Variants in PPP1R12A observed in about 807,000 individuals in gnomAD.
PPP1R12A encodes the protein myosin binding subunit.
In PPP1R12A, 19 loss-of-function variants were observed where a neutral mutation model predicts 139.6. The observed-to-expected ratio is 0.14, with a 90% CI of 0.09 to 0.20. PPP1R12A has a LOEUF of 0.20. Among genes scored for constraint, PPP1R12A ranks in the 10% least tolerant of loss-of-function variants. The pLI is 1.00. For missense variants in PPP1R12A, 925 were observed against 1,211.5 expected (o/e 0.76, Z 3.51); for synonymous variants, 427 against 420.6 (o/e 1.02, Z -0.19).
chr12:79,835,412 C>T (rs1025719311), intron 3 of PPP1R12A, among the ~76,000 whole-genome samples: 9 of 152,032 alleles, frequency 5.9e-5, no homozygotes, highest in Non-Finnish European at 7.4e-5. Context: ...CTAATAAATC[C>T]CCTTCCGTAT....
At chr12:79,904,118 A>T (rs1885885407) in intron 1 of PPP1R12A, among the ~76,000 whole-genome samples, 1 of 151,882 alleles carries the variant, frequency 6.6e-6, no homozygotes, top group Non-Finnish European at 1.5e-5. Context: ...GGGAGGCTGA[A>T]GCAGGAGAAT....
chr12:79,872,555 G>A (rs989350532), intron 2 of PPP1R12A, among the ~76,000 whole-genome samples: 1 of 152,040 alleles, frequency 6.6e-6, no homozygotes, highest in Non-Finnish European at 1.5e-5. Context: ...GAAAAAAGAT[G>A]GAGACAGAGA....
At chr12:79,835,455 G>A (rs559525513) in intron 3 of PPP1R12A, among the ~76,000 whole-genome samples, 2 of 152,074 alleles carry the variant, frequency 1.3e-5, no homozygotes, top group South Asian at 4.1e-4. Context: ...GGAGAAGCCT[G>A]ACTAATACAC....
chr12:79,838,817 G>C (rs759825578), intron 3 of PPP1R12A, among the ~76,000 whole-genome samples: 1 of 152,248 alleles, frequency 6.6e-6, no homozygotes, highest in Non-Finnish European at 1.5e-5. Flanking sequence ...CTGCTGCAGA[G>C]GTAGAGCCCT....
At chr12:79,777,672 A>C in intron 24 of PPP1R12A, 1 of 969,772 alleles carries the variant, frequency 1.0e-6, no homozygotes, top group Non-Finnish European at 1.2e-6. Context: ...TCAGAACATA[A>C]AGAAATAGGA....
chr12:79,894,947 A>G (rs371938801), intron 1 of PPP1R12A, among the ~76,000 whole-genome samples: 32 of 152,284 alleles, frequency 2.1e-4, no homozygotes, highest in African/African-American at 7.7e-4. Flanking sequence ...ACTAATCTGC[A>G]ACTCTTAATT....
At chr12:79,932,151 A>C (rs1316668013) in intron 1 of PPP1R12A, among the ~76,000 whole-genome samples, 1 of 152,210 alleles carries the variant, frequency 6.6e-6, no homozygotes, top group Non-Finnish European at 1.5e-5. Flanking sequence ...TAGGTATTCT[A>C]CGATCTTTTG....
intron 1 of PPP1R12A, among the ~76,000 whole-genome samples, chr12:79,905,346 C>CCCG (rs1555244734): frequency 9.1e-6 from 1 of 109,520 alleles, no homozygotes; most frequent in Non-Finnish European, 1.8e-5. Flanking sequence ...GCCGCCCCCC[C>CCCG]CCACCCCTTT....
chr12:79,863,321 T>A (rs945360543), intron 2 of PPP1R12A, among the ~76,000 whole-genome samples: 3 of 152,110 alleles, frequency 2.0e-5, no homozygotes, highest in Non-Finnish European at 2.9e-5. Context: ...AAGGAAGCAC[T>A]AAACATGGAA....
At chr12:79,850,957 C>A (rs1879974544) in intron 2 of PPP1R12A, among the ~76,000 whole-genome samples, 1 of 152,190 alleles carries the variant, frequency 6.6e-6, no homozygotes, top group African/African-American at 2.4e-5. Context: ...AACTGTGAGT[C>A]AATTATACCT....
At chr12:79,831,769 T>C (rs1877460903) in intron 4 of PPP1R12A, among the ~76,000 whole-genome samples, 1 of 152,214 alleles carries the variant, frequency 6.6e-6, no homozygotes, top group Admixed American at 6.5e-5. Context: ...AAAAATATTA[T>C]TGCAACATAA....
At chr12:79,867,250 A>G (rs974979148) in intron 2 of PPP1R12A, among the ~76,000 whole-genome samples, 2 of 152,148 alleles carry the variant, frequency 1.3e-5, no homozygotes, top group Admixed American at 6.5e-5. Context: ...GTTCTCACTC[A>G]TAAGTGGGAA....
At chr12:79,825,793 A>G (rs1876686214) in intron 5 of PPP1R12A, among the ~76,000 whole-genome samples, 1 of 152,060 alleles carries the variant, frequency 6.6e-6, no homozygotes, top group Non-Finnish European at 1.5e-5. Flanking sequence ...GCAGGCTTAC[A>G]TAATTAAGAC....
chr12:79,819,155 T>C (rs537454478), intron 8 of PPP1R12A: 1 of 152,284 alleles, frequency 6.6e-6, no homozygotes, highest in African/African-American at 2.4e-5. Flanking sequence ...AGAGAGCAAT[T>C]AGTACGTTTC....
chr12:79,846,721 G>T (rs1037754915), intron 2 of PPP1R12A, among the ~76,000 whole-genome samples: 1 of 151,092 alleles, frequency 6.6e-6, no homozygotes, highest in East Asian at 2.0e-4. Context: ...GAGCCACCAC[G>T]CCTGGCCTAC....
At chr12:79,933,864 GA>G (rs1022796877) in intron 1 of PPP1R12A, among the ~76,000 whole-genome samples, 1 of 152,134 alleles carries the variant, frequency 6.6e-6, no homozygotes, top group Admixed American at 6.5e-5. Flanking sequence ...AACCCCAAAA[GA>G]AAAACCAGAG....
At chr12:79,872,770 CA>C (rs1447886936) in intron 2 of PPP1R12A, 37 bp downstream of exon 2, 15 of 1,594,796 alleles carry the variant, frequency 9.4e-6, no homozygotes, top group Non-Finnish European at 1.2e-5. Flanking sequence ...GTCTGTCAAA[CA>C]GTATTAGAAT....
At chr12:79,822,948 ACTTTTT>A (rs1876301937) in intron 5 of PPP1R12A, among the ~76,000 whole-genome samples, 1 of 152,024 alleles carries the variant, frequency 6.6e-6, no homozygotes, top group Non-Finnish European at 1.5e-5. Context: ...ACCTTTTGAG[ACTTTTT>A]CTTTTTGATG....
At chr12:79,796,317 T>C (rs960516716) in intron 17 of PPP1R12A, among the ~76,000 whole-genome samples, 2 of 152,016 alleles carry the variant, frequency 1.3e-5, no homozygotes, top group Non-Finnish European at 2.9e-5. Flanking sequence ...CAATATATAG[T>C]TGAGAAAGAA....
Sources: gnomAD v4.1 joint callset for allele counts (sites outside exome capture counted in the v4.1 genomes callset) on GRCh38, gnomAD v4.1.1 for gene constraint, MANE v1.5 for transcripts, NCBI Gene and HGNC (gene_info 2026-07-23, HGNC 2026-07-21) for gene names.